FSTL5: variants seen among roughly 807,000 people sequenced by gnomAD.
FSTL5 encodes follistatin like 5.
In FSTL5, 62 loss-of-function variants were observed where a neutral mutation model predicts 89.1. The observed-to-expected ratio is 0.70, with a 90% CI of 0.57 to 0.86. FSTL5 has a LOEUF of 0.86. Among genes scored for constraint, FSTL5 ranks in the 40% least tolerant of loss-of-function variants. FSTL5 has a pLI of 0.00. For synonymous variants in FSTL5, 383 were observed against 346.2 expected (o/e 1.11, Z -1.18); for missense variants, 1,057 against 1,001.6 (o/e 1.06, Z -0.75).
chr4:161,814,395 A>G (rs369050694), intron 4 of FSTL5, among the ~76,000 whole-genome samples: 3 of 152,144 alleles, frequency 2.0e-5, no homozygotes, highest in African/African-American at 4.8e-5. Context: ...CTGAAAAGGA[A>G]TTTCTTGAGC....
intron 1 of FSTL5, among the ~76,000 whole-genome samples, chr4:162,129,990 C>T (rs949364137): frequency 6.6e-6 from 1 of 152,136 alleles, no homozygotes; most frequent in Admixed American, 6.5e-5. Context: ...AGTGAGATTA[C>T]AAATATAAAG....
At chr4:161,424,024 C>CTTT (rs11287729) in intron 15 of FSTL5, among the ~76,000 whole-genome samples, 6 of 75,378 alleles carry the variant, frequency 8.0e-5, no homozygotes, top group Admixed American at 1.9e-4. Flanking sequence ...GCCCATCATT[C>CTTT]TTTTTTTTTT....
intron 6 of FSTL5, among the ~76,000 whole-genome samples, chr4:161,702,943 C>T (rs565740701): frequency 4.3e-4 from 66 of 152,082 alleles, no homozygotes; most frequent in African/African-American, 1.5e-3. Flanking sequence ...AAGGCTTTGA[C>T]AGAGGGTAAT....
intron 10 of FSTL5, among the ~76,000 whole-genome samples, chr4:161,533,341 A>G (rs79801884): frequency 3.7e-5 from 3 of 80,946 alleles, no homozygotes; most frequent in South Asian, 4.7e-4. Context: ...ATTAAGGGGG[A>G]AAAAAAAGAG....
At chr4:161,802,064 C>T (rs1729812752) in intron 4 of FSTL5, among the ~76,000 whole-genome samples, 1 of 151,574 alleles carries the variant, frequency 6.6e-6, no homozygotes, top group Admixed American at 6.6e-5. Flanking sequence ...AAGTAATGTG[C>T]TATTCTGTTC....
intron 4 of FSTL5, among the ~76,000 whole-genome samples, chr4:161,912,908 T>C (rs1336683373): frequency 2.0e-5 from 3 of 151,990 alleles, no homozygotes; most frequent in Non-Finnish European, 4.4e-5. Flanking sequence ...TTCTTGGGAG[T>C]TGGAGCAAAG....
intron 6 of FSTL5, among the ~76,000 whole-genome samples, chr4:161,755,864 C>G (rs1579070193): frequency 6.6e-6 from 1 of 151,882 alleles, no homozygotes; most frequent in African/African-American, 2.4e-5. Context: ...TTACAATTTT[C>G]TAAAATCATG....
intron 12 of FSTL5, among the ~76,000 whole-genome samples, chr4:161,498,162 T>A (rs1416007859): frequency 1.3e-5 from 2 of 151,984 alleles, no homozygotes; most frequent in Non-Finnish European, 2.9e-5. Context: ...TGTGTATACA[T>A]AGAGAAATAA....
chr4:161,664,055 C>T (rs1736804268), intron 6 of FSTL5, among the ~76,000 whole-genome samples: 1 of 152,206 alleles, frequency 6.6e-6, no homozygotes, highest in Non-Finnish European at 1.5e-5. Flanking sequence ...CTGCTCAAAG[C>T]ACAGAGTCCC....
intron 3 of FSTL5, among the ~76,000 whole-genome samples, chr4:161,942,439 T>C (rs721198): frequency 6.6e-6 from 1 of 151,940 alleles, no homozygotes; most frequent in East Asian, 1.9e-4. Context: ...AAAGATAAAG[T>C]GGGATCATTA....
intron 15 of FSTL5, among the ~76,000 whole-genome samples, chr4:161,438,873 T>G (rs1732665354): frequency 6.6e-6 from 1 of 152,004 alleles, no homozygotes; most frequent in Non-Finnish European, 1.5e-5. Flanking sequence ...TTATTTTCCA[T>G]TATAGTAAAA....
At chr4:161,436,824 AG>A (rs1732575423) in intron 15 of FSTL5, among the ~76,000 whole-genome samples, 1 of 152,220 alleles carries the variant, frequency 6.6e-6, no homozygotes, top group Non-Finnish European at 1.5e-5. Context: ...AGAAAACAAA[AG>A]AAAATCTTCA....
chr4:161,777,519 T>G (rs1279924244), intron 4 of FSTL5, among the ~76,000 whole-genome samples: 6 of 152,174 alleles, frequency 3.9e-5, no homozygotes, highest in Non-Finnish European at 8.8e-5. Context: ...TTTTCTTAAT[T>G]CTGACTTCTT....
At chr4:161,997,599 A>C (rs1578931891) in intron 3 of FSTL5, among the ~76,000 whole-genome samples, 1 of 105,144 alleles carries the variant, frequency 9.5e-6, no homozygotes, top group Admixed American at 1.3e-4. Context: ...TATACATGTT[A>C]TCTTTTTTTT....
chr4:161,910,057 C>G (rs1579186520), intron 4 of FSTL5, among the ~76,000 whole-genome samples: 1 of 152,142 alleles, frequency 6.6e-6, no homozygotes, highest in Admixed American at 6.6e-5. Context: ...TACCCATAGC[C>G]TTAAACTTTC....
chr4:161,712,443 C>T (rs981248992), intron 6 of FSTL5, among the ~76,000 whole-genome samples: 1 of 152,068 alleles, frequency 6.6e-6, no homozygotes, highest in Non-Finnish European at 1.5e-5. Flanking sequence ...CTGTTAAAAG[C>T]AAGTACCAGT....
intron 6 of FSTL5, among the ~76,000 whole-genome samples, chr4:161,667,640 G>T (rs915608164): frequency 3.3e-5 from 5 of 152,030 alleles, no homozygotes; most frequent in African/African-American, 1.2e-4. Context: ...ATTTGCTAAG[G>T]ATTTTTCAAA....
chr4:161,994,868 C>T (rs917270668), intron 3 of FSTL5, among the ~76,000 whole-genome samples: 9 of 152,176 alleles, frequency 5.9e-5, no homozygotes, highest in African/African-American at 2.2e-4. Context: ...TTTTGCTTTG[C>T]AGAAGCTCTT....
At chr4:161,615,293 C>CA (rs1203046031) in intron 7 of FSTL5, among the ~76,000 whole-genome samples, 569 of 26,330 alleles carry the variant, frequency 0.022, 21 homozygotes, top group Middle Eastern at 0.062. Flanking sequence ...GACTCTGTCT[C>CA]AAAAAAAAAA....
Sources: allele counts gnomAD v4.1 joint callset (sites outside exome capture counted in the v4.1 genomes callset), GRCh38; gene constraint gnomAD v4.1.1; transcripts MANE v1.5; gene names NCBI Gene and HGNC (gene_info 2026-07-23, HGNC 2026-07-21).